Variants in PDE4D observed in about 807,000 individuals in gnomAD.
PDE4D encodes the protein 3',5'-cyclic-AMP phosphodiesterase 4D.
A neutral mutation model predicts 87.4 loss-of-function variants in PDE4D; 24 were observed. That is an observed-to-expected ratio of 0.27 (90% CI 0.20 to 0.39). The LOEUF is 0.39. Among genes scored for constraint, PDE4D ranks in the 10% least tolerant of loss-of-function variants. PDE4D has a pLI of 1.00. For missense variants in PDE4D, 714 were observed against 1,041.0 expected (o/e 0.69, Z 4.32); for synonymous variants, 384 against 383.2 (o/e 1.00, Z -0.02).
intron 5 of PDE4D, among the ~76,000 whole-genome samples, chr5:59,090,865 A>G (rs1768600177): frequency 6.8e-6 from 1 of 146,110 alleles, no homozygotes; most frequent in Non-Finnish European, 1.5e-5. Flanking sequence ...GAGATGCTGC[A>G]AAATATATTC....
At chr5:59,714,133 G>A (rs1389446241) in intron 1 of PDE4D, among the ~76,000 whole-genome samples, 1 of 152,168 alleles carries the variant, frequency 6.6e-6, no homozygotes, top group Non-Finnish European at 1.5e-5. Context: ...TCCCCATCAT[G>A]GAAGAAAAGG....
chr5:59,154,213 G>T (rs1271713831), intron 5 of PDE4D, among the ~76,000 whole-genome samples: 1 of 152,156 alleles, frequency 6.6e-6, no homozygotes, highest in Admixed American at 6.5e-5. Context: ...ATCATGGAAG[G>T]CCAGAGCTAA....
At chr5:59,701,836 A>C (rs1752619469) in intron 1 of PDE4D, among the ~76,000 whole-genome samples, 1 of 152,318 alleles carries the variant, frequency 6.6e-6, no homozygotes, top group South Asian at 2.1e-4. Context: ...AAAACAGCTC[A>C]ATTCCTCTAC....
At chr5:60,429,960 A>T in intron 1 of PDE4D, 1 of 518,034 alleles carries the variant, frequency 1.9e-6, no homozygotes, top group Non-Finnish European at 3.9e-6. Context: ...GTACGTAGGC[A>T]ACCAAAGTAT....
chr5:60,486,991 T>G (rs548994317), intron 1 of PDE4D, among the ~76,000 whole-genome samples: 1 of 152,246 alleles, frequency 6.6e-6, no homozygotes, highest in Non-Finnish European at 1.5e-5. Context: ...TTATTTTTTA[T>G]GATAGGCTAG....
intron 1 of PDE4D, among the ~76,000 whole-genome samples, chr5:59,707,993 C>T (rs1300214250): frequency 6.6e-6 from 1 of 152,058 alleles, no homozygotes; most frequent in East Asian, 1.9e-4. Flanking sequence ...ATTGTTGGGT[C>T]AAATCCTATT....
intron 1 of PDE4D, among the ~76,000 whole-genome samples, chr5:60,386,962 G>A (rs535348561): frequency 9.1e-4 from 138 of 152,324 alleles, no homozygotes; most frequent in African/African-American, 3.1e-3. Flanking sequence ...CCATGCAGAC[G>A]TGATTGCTGC....
chr5:59,736,012 A>C (rs995782160), intron 1 of PDE4D, among the ~76,000 whole-genome samples: 2 of 152,072 alleles, frequency 1.3e-5, no homozygotes, highest in African/African-American at 4.8e-5. Context: ...AAAACAAAAA[A>C]CAAAAGACTA....
intron 1 of PDE4D, among the ~76,000 whole-genome samples, chr5:60,433,884 C>T (rs1467793335): frequency 6.6e-6 from 1 of 152,124 alleles, no homozygotes; most frequent in Non-Finnish European, 1.5e-5. Flanking sequence ...GTTACATGGA[C>T]ACAACGAAGA....
intron 5 of PDE4D, among the ~76,000 whole-genome samples, chr5:59,077,988 C>T (rs79003759): frequency 0.014 from 2,192 of 152,278 alleles, 63 homozygotes; most frequent in African/African-American, 0.05. Flanking sequence ...TGAGCAACCG[C>T]GCATCTGGTC....
Position 59,550,720 on chromosome 5 carries a change from C to CA in PDE4D, c.456-334753dup, listed in dbSNP as rs1470570879. Among the ~76,000 whole-genome samples the CA allele has an allele frequency of 4.5e-5, 6 of 134,546 alleles. No homozygotes were observed. In the East Asian group the frequency reaches 1.3e-3, roughly 29 times the overall value. The allele number at this position is 134,546 out of a possible 152,430, so 88.3% of individuals were successfully genotyped here. On this transcript the variant is annotated intron_variant, in intron 1 of 14. Transcript: ENST00000340635. The stretch of plus-strand genomic sequence containing the variant: ...TCTAAGAATTTTTTTTTTTTTGAGA[C>CA]AGAGTCTCACTCTGTCGCCCAGGCT...
At chr5:60,105,049 C>T (rs1015479618) in intron 2 of PDE4D, among the ~76,000 whole-genome samples, 1 of 152,072 alleles carries the variant, frequency 6.6e-6, no homozygotes. Flanking sequence ...AGGCTTCAGA[C>T]AATCAAACTA....
intron 3 of PDE4D, among the ~76,000 whole-genome samples, chr5:59,979,421 G>GTGTGTGTGTGTGTGT (rs1761678899): frequency 6.8e-6 from 1 of 147,630 alleles, no homozygotes; most frequent in Admixed American, 6.8e-5. Flanking sequence ...CACAGCAAGG[G>GTGTGTGTGTGTGTGT]GTGTGTGTGT....
intron 3 of PDE4D, among the ~76,000 whole-genome samples, chr5:59,931,588 C>A (rs1376392120): frequency 6.6e-6 from 1 of 152,212 alleles, no homozygotes; most frequent in South Asian, 2.1e-4. Flanking sequence ...CCCATGAAAA[C>A]CTATTAATCC....
intron 1 of PDE4D, among the ~76,000 whole-genome samples, chr5:60,224,343 G>A (rs1287899918): frequency 6.6e-6 from 1 of 151,932 alleles, no homozygotes; most frequent in African/African-American, 2.4e-5. Context: ...TCTATTGTGG[G>A]GAAGTAAACC....
intron 1 of PDE4D, among the ~76,000 whole-genome samples, chr5:60,306,067 G>A (rs1320534058): frequency 1.3e-5 from 2 of 152,072 alleles, no homozygotes; most frequent in Admixed American, 1.3e-4. Context: ...ATATTAGATA[G>A]AGGCAGATGA....
At chr5:60,258,530 T>C (rs985053788) in intron 1 of PDE4D, among the ~76,000 whole-genome samples, 4 of 152,040 alleles carry the variant, frequency 2.6e-5, no homozygotes, top group Non-Finnish European at 5.9e-5. Context: ...ATAGCAAATA[T>C]TGACACATAC....
intron 2 of PDE4D, among the ~76,000 whole-genome samples, chr5:60,183,406 G>A (rs939894011): frequency 1.3e-5 from 2 of 152,288 alleles, no homozygotes; most frequent in East Asian, 3.9e-4. Flanking sequence ...GTAGGAAACA[G>A]AACACTCACA....
chr5:60,139,379 G>A (rs1229696843), intron 2 of PDE4D, among the ~76,000 whole-genome samples: 1 of 152,026 alleles, frequency 6.6e-6, no homozygotes, highest in Non-Finnish European at 1.5e-5. Context: ...CATATTCCAA[G>A]TTCATAATAG....
Sources: allele counts gnomAD v4.1 joint callset (sites outside exome capture counted in the v4.1 genomes callset), GRCh38; gene constraint gnomAD v4.1.1; transcripts MANE v1.5; gene names NCBI Gene and HGNC (gene_info 2026-07-23, HGNC 2026-07-21).